The following CSMD1 variants were observed in gnomAD, a reference collection of about 807,000 sequenced individuals.
CSMD1 encodes the protein CUB and sushi domain-containing protein 1.
A neutral mutation model predicts 417.5 loss-of-function variants in CSMD1; 213 were observed. The observed-to-expected ratio is 0.51, with a 90% CI of 0.46 to 0.57. CSMD1 has a LOEUF of 0.57. Among genes scored for constraint, CSMD1 ranks in the 20% least tolerant of loss-of-function variants. The pLI is 0.00. For synonymous variants in CSMD1, 2,862 were observed against 1,736.8 expected (o/e 1.65, Z -16.11); for missense variants, 6,923 against 4,529.7 (o/e 1.53, Z -15.17).
At chr8:4,190,956 G>T (rs374847033) in intron 3 of CSMD1, among the ~76,000 whole-genome samples, 39 of 152,026 alleles carry the variant, frequency 2.6e-4, no homozygotes, top group African/African-American at 8.9e-4. Flanking sequence ...TGGAGAGTGG[G>T]GGGGGCGGGG....
intron 2 of CSMD1, among the ~76,000 whole-genome samples, chr8:4,522,824 G>C (rs1262903834): frequency 3.9e-5 from 6 of 152,246 alleles, no homozygotes; most frequent in East Asian, 1.9e-4. Context: ...AGTAAGAATA[G>C]CACACACTAA....
chr8:3,874,021 G>C (rs931370860), intron 5 of CSMD1, among the ~76,000 whole-genome samples: 1 of 152,152 alleles, frequency 6.6e-6, no homozygotes, highest in East Asian at 1.9e-4. Context: ...GAACTTCTCT[G>C]TCAAATTAGC....
chr8:3,565,385 G>C (rs1299729080), intron 10 of CSMD1, among the ~76,000 whole-genome samples: 2 of 152,050 alleles, frequency 1.3e-5, no homozygotes, highest in African/African-American at 2.4e-5. Context: ...TGAATAATGG[G>C]GAGGCTCCCT....
At chr8:3,421,024 T>G (rs1813455833) in intron 12 of CSMD1, among the ~76,000 whole-genome samples, 2 of 152,204 alleles carry the variant, frequency 1.3e-5, no homozygotes, top group Non-Finnish European at 2.9e-5. Flanking sequence ...CACTAAAAGC[T>G]GTGTAAAGTT....
intron 46 of CSMD1, among the ~76,000 whole-genome samples, chr8:3,097,501 G>GC (rs1291865863): frequency 6.6e-6 from 1 of 152,130 alleles, no homozygotes; most frequent in African/African-American, 2.4e-5. Flanking sequence ...CCCTAGTGAT[G>GC]CCTGATGCTG....
chr8:4,035,806 G>C lies in CSMD1; in HGVS notation c.416-3707C>G, dbSNP rs569464965. ...ATTTATGATTAAAAAAGAAAAATGT[G>C]TTTTTATACATTTAGTGTACTCTAA... is the stretch of plus-strand genomic sequence containing the variant. On this transcript the variant is annotated intron_variant, in intron 3 of 69. Coordinates refer to ENST00000635120, the MANE Select transcript of CSMD1 (RefSeq NM_033225.6). 1.6e-4 allele frequency among the ~76,000 whole-genome samples: 24 copies of C among 152,156 alleles called. No individual in the cohort carries two copies. In the South Asian group the frequency reaches 4.4e-3, roughly 28 times the overall value.
chr8:3,656,709 C>A (rs1164000528), intron 7 of CSMD1, among the ~76,000 whole-genome samples: 32 of 152,256 alleles, frequency 2.1e-4, no homozygotes, highest in Non-Finnish European at 1.2e-4. Flanking sequence ...AGGCAGATCA[C>A]AAGGTCAGCA....
At chr8:3,675,845 C>G (rs2117568452) in intron 7 of CSMD1, among the ~76,000 whole-genome samples, 1 of 152,234 alleles carries the variant, frequency 6.6e-6, no homozygotes, top group East Asian at 1.9e-4. Flanking sequence ...GCATTTCCAC[C>G]TTATGCAAAT....
At chr8:4,883,181 C>T (rs1284155183) in intron 1 of CSMD1, among the ~76,000 whole-genome samples, 2 of 151,954 alleles carry the variant, frequency 1.3e-5, no homozygotes, top group African/African-American at 4.8e-5. Context: ...TGCAAGAATG[C>T]TGTAGAATGC....
intron 5 of CSMD1, among the ~76,000 whole-genome samples, chr8:3,800,859 C>T (rs990782062): frequency 6.6e-6 from 1 of 152,082 alleles, no homozygotes. Flanking sequence ...AAAGCCCTCA[C>T]CAGAGACTGG....
intron 7 of CSMD1, among the ~76,000 whole-genome samples, chr8:3,699,773 T>C (rs555174695): frequency 1.3e-5 from 2 of 152,320 alleles, no homozygotes; most frequent in African/African-American, 4.8e-5. Context: ...GACTGTTGAA[T>C]GTGTGAGTGA....
chr8:3,344,474 A>G (rs1807859222), intron 22 of CSMD1, among the ~76,000 whole-genome samples: 1 of 152,188 alleles, frequency 6.6e-6, no homozygotes. Context: ...ATAAAGTAAA[A>G]TAAAAAAGTC....
chr8:3,255,874 C>G (rs942070989), intron 26 of CSMD1, among the ~76,000 whole-genome samples: 2 of 152,150 alleles, frequency 1.3e-5, no homozygotes, highest in Non-Finnish European at 2.9e-5. Flanking sequence ...ACCCACTGTC[C>G]TGCACCCACT....
At chr8:4,829,157 G>C (rs1447931440) in intron 1 of CSMD1, among the ~76,000 whole-genome samples, 1 of 152,126 alleles carries the variant, frequency 6.6e-6, no homozygotes, top group Non-Finnish European at 1.5e-5. Flanking sequence ...CCTGCCTGTT[G>C]CAATTCCACA....
At chr8:3,289,707 T>C (rs1343660658) in intron 25 of CSMD1, among the ~76,000 whole-genome samples, 1 of 147,348 alleles carries the variant, frequency 6.8e-6, no homozygotes, top group East Asian at 2.0e-4. Context: ...TTGGAGTTCA[T>C]TGTAGATTCT....
intron 8 of CSMD1, among the ~76,000 whole-genome samples, chr8:3,587,009 A>T (rs933884760): frequency 3.3e-5 from 5 of 152,184 alleles, no homozygotes; most frequent in African/African-American, 1.2e-4. Flanking sequence ...CATGTTCGCC[A>T]GGCTGGTCTT....
intron 25 of CSMD1, among the ~76,000 whole-genome samples, chr8:3,302,547 T>C (rs1160235041): frequency 1.3e-5 from 2 of 152,208 alleles, no homozygotes; most frequent in East Asian, 3.9e-4. Flanking sequence ...ATTCCTTCTT[T>C]GCAATTCCCG....
intron 1 of CSMD1, among the ~76,000 whole-genome samples, chr8:4,799,352 G>A (rs986937649): frequency 6.6e-6 from 1 of 151,998 alleles, no homozygotes; most frequent in African/African-American, 2.4e-5. Flanking sequence ...ATACAATGAC[G>A]AGTAATTTTA....
chr8:4,935,723 C>G (rs1001323888), intron 1 of CSMD1, among the ~76,000 whole-genome samples: 7 of 152,132 alleles, frequency 4.6e-5, no homozygotes, highest in African/African-American at 1.7e-4. Flanking sequence ...GGCGTGCAGG[C>G]ATTTTGATAG....
Sources: allele counts gnomAD v4.1 joint callset (sites outside exome capture counted in the v4.1 genomes callset), GRCh38; gene constraint gnomAD v4.1.1; transcripts MANE v1.5; gene names NCBI Gene and HGNC (gene_info 2026-07-23, HGNC 2026-07-21).